CTBP2: variants seen among roughly 807,000 people sequenced by gnomAD.
CTBP2 encodes the protein C-terminal binding protein 2.
CTBP2 carries 30 observed loss-of-function variants against 80.3 expected under a neutral mutation model. The ratio of observed to expected loss-of-function variants is 0.37; its 90% CI spans 0.28 to 0.51. The LOEUF is 0.51. Among genes scored for constraint, CTBP2 ranks in the 20% least tolerant of loss-of-function variants. CTBP2 has a pLI of 0.93. For synonymous variants in CTBP2, 594 were observed against 587.4 expected (o/e 1.01, Z -0.16); for missense variants, 1,212 against 1,375.3 (o/e 0.88, Z 1.88).
intron 3 of CTBP2, among the ~76,000 whole-genome samples, chr10:125,002,339 C>A (rs1050498408): frequency 1.3e-5 from 2 of 152,240 alleles, no homozygotes; most frequent in Admixed American, 6.5e-5. Context: ...CCTCAACATG[C>A]ACCCCCAGCC....
In CTBP2 at chr10:125,005,438, CAG is replaced by C. The variant is rs1955108588; in HGVS notation, c.1679-1948_1679-1947del. ...CTGCCCCGACACCCAGGTCCCCAAACAGGGTGTCCGCATGGATCCGCACTCCA... is the reference window on the plus strand; with the variant it reads ...CTGCCCCGACACCCAGGTCCCCAAACGGTGTCCGCATGGATCCGCACTCCA... On this transcript the variant is annotated intron_variant, in intron 1 of 8. Coordinates refer to ENST00000309035, the MANE Select transcript of CTBP2 (RefSeq NM_022802.3). 8 of 1,112,892 alleles carry C rather than the reference CAG, an allele frequency of 7.2e-6. No individual in the cohort carries two copies. In the Admixed American group the frequency reaches 1.5e-4, roughly 21 times the overall value. 68.9% of individuals were successfully genotyped at this position (1,112,892 alleles called of 1,614,324 possible).
At position 124,988,522 on chromosome 10, in the gene CTBP2, C is replaced by A. The variant is rs1157580433; in HGVS notation, c.*996G>T. 6.6e-6 allele frequency: 1 copy of A among 152,476 alleles called. No homozygotes were observed. Among genetic ancestry groups the A allele is most frequent in the East Asian group, 1.9e-4 (1 of 5,196 alleles). The allele number at this position is 152,476 out of a possible 1,614,324, so 9.4% of individuals were successfully genotyped here. ...ACAGGAATGTACCTATACAAAGGCTCAAAATAGGCCATCTTTTTAAACAAA... is the reference window on the plus strand; with the variant it reads ...ACAGGAATGTACCTATACAAAGGCTAAAAATAGGCCATCTTTTTAAACAAA... On this transcript the variant is annotated 3_prime_UTR_variant, in exon 9 of 9. Coordinates refer to ENST00000309035, the MANE Select transcript of CTBP2 (RefSeq NM_022802.3).
chr10:124,992,347 A>C (rs1404389444), intron 8 of CTBP2, among the ~76,000 whole-genome samples: 2 of 149,388 alleles, frequency 1.3e-5, no homozygotes, highest in East Asian at 4.0e-4. Flanking sequence ...CACCTCTCCC[A>C]CCTCAGCCTC....
Position 125,096,831 on chromosome 10 carries a change from C to T in CTBP2, c.-102+14159G>A, listed in dbSNP as rs920042878. Among the ~76,000 whole-genome samples, 49 of 151,908 alleles carry T rather than the reference C, an allele frequency of 3.2e-4. 1 individual carries two copies. Among genetic ancestry groups the T allele is most frequent in the African/African-American group, 1.1e-3 (45 of 41,328 alleles). ...TATACAAGAGTGCCCCAATTTCTTC[C>T]GAGAAATTAACATTTCAATCCTGTT... On this transcript the variant is annotated intron_variant, in intron 2 of 10. Coordinates refer to the CTBP2 transcript ENST00000337195.
chr10:124,990,336 CCCGGCCCTGG>C (rs1333805606), intron 8 of CTBP2, among the ~76,000 whole-genome samples: 1 of 152,198 alleles, frequency 6.6e-6, no homozygotes, highest in Non-Finnish European at 1.5e-5. Context: ...AGCCACCATG[CCCGGCCCTGG>C]CTAACGATTT....
intron 1 of CTBP2, among the ~76,000 whole-genome samples, chr10:125,150,269 G>A (rs1301377619): frequency 6.6e-6 from 1 of 152,240 alleles, no homozygotes; most frequent in East Asian, 1.9e-4. Flanking sequence ...CCACAAACAT[G>A]GTCTTACCTA....
At chr10:125,041,146 C>T (rs975782179) in intron 2 of CTBP2, among the ~76,000 whole-genome samples, 1 of 152,228 alleles carries the variant, frequency 6.6e-6, no homozygotes, top group Non-Finnish European at 1.5e-5. Flanking sequence ...CAGGGGCAAG[C>T]TCATGGCTCA....
Position 125,027,521 on chromosome 10 carries a change from G to A in CTBP2, c.239C>T (p.Ala80Val). The change falls in exon 1 of 9, where the codon GCT (alanine) becomes GTT (valine). Residue 80 changes from alanine to valine, a missense_variant. Around this residue, in one of 3 missense-constraint regions of CTBP2, gnomAD observed 848 missense variants for 782.3 expected, o/e 1.08. Coordinates refer to ENST00000309035, the MANE Select transcript of CTBP2 (RefSeq NM_022802.3). The stretch of plus-strand genomic sequence containing the variant: ...GTCAGGAGTAGACCCCTTTCTTGCA[G>A]CCACTGAGTTATAAACGGCCTCCCG... 6.2e-7 allele frequency: 1 copy of A among 1,614,156 alleles called. No individual in the cohort carries two copies. The highest frequency in any genetic ancestry group is 1.1e-5 in the South Asian group (1 of 91,086).
At chr10:125,103,297 C>A (rs534096804) in intron 2 of CTBP2, among the ~76,000 whole-genome samples, 1 of 152,142 alleles carries the variant, frequency 6.6e-6, no homozygotes, top group African/African-American at 2.4e-5. Context: ...CAAAAAATTA[C>A]TTCTGGGGCA....
chr10:125,040,580 GACC>G (rs749198784), intron 2 of CTBP2, among the ~76,000 whole-genome samples: 22 of 129,878 alleles, frequency 1.7e-4, no homozygotes, highest in South Asian at 2.4e-4. Flanking sequence ...CTTATTTTAA[GACC>G]ACCACCACAA....
rs771447556 is a variant in CTBP2 at position 125,027,174 on chromosome 10, T to C, written c.586A>G (p.Thr196Ala). Residue 196 changes from threonine (T) to alanine (A), a missense_variant, in exon 1 of 9, where the codon ACC (threonine) becomes GCC (alanine). Physicochemically the swap from Thr to Ala is moderately conservative, Grantham distance 58. Around this residue, in one of 3 missense-constraint regions of CTBP2, gnomAD observed 848 missense variants for 782.3 expected, o/e 1.08. Transcript: ENST00000309035. ...GCAGGCACCTCCGCCCCATACCTGG[T>C]GTCGGGCTGCTCCCGTCCATACCGC... The C allele has an allele frequency of 1.2e-6, 2 of 1,605,616 alleles. No individual in the cohort carries two copies. Among genetic ancestry groups the C allele is most frequent in the South Asian group, 1.1e-5 (1 of 90,852 alleles).
rs1036965249 is a variant in CTBP2, at chr10:125,026,678, C to G, written c.1082G>C (p.Gly361Ala). 1.2e-6 allele frequency: 2 copies of G among 1,608,312 alleles called. No homozygotes were observed. The highest frequency in any genetic ancestry group is 1.7e-6 in the Non-Finnish European group (2 of 1,177,952). The change falls in exon 1 of 9, where the codon GGG becomes GCG. Residue 361 changes from glycine (G) to alanine (A), a missense_variant. This residue lies in a region of CTBP2 where 848 missense variants were observed against 782.3 expected (regional missense o/e 1.08). Transcript: ENST00000309035. Reference sequence around the variant, plus strand: ...GGACCGCGCCCGGGGCAGCGGGCCCCCCCGGTCCTGCCTCCGCAGCTGCAT... The same window carrying G: ...GGACCGCGCCCGGGGCAGCGGGCCCGCCCGGTCCTGCCTCCGCAGCTGCAT...
At chr10:125,086,592 G>A (rs1274661225) in intron 2 of CTBP2, among the ~76,000 whole-genome samples, 1 of 139,392 alleles carries the variant, frequency 7.2e-6, no homozygotes, top group Non-Finnish European at 1.5e-5. Context: ...TCCAGCCTGG[G>A]CAATCGAGCA....
intron 4 of CTBP2, chr10:124,996,962 A>G (rs1190734616): frequency 6.6e-6 from 1 of 152,214 alleles, no homozygotes; most frequent in Non-Finnish European, 1.5e-5. Context: ...TGTAGCGGGG[A>G]CAGAAAGGTG....
intron 2 of CTBP2, among the ~76,000 whole-genome samples, chr10:125,109,641 G>C (rs1564939900): frequency 6.6e-6 from 1 of 152,188 alleles, no homozygotes; most frequent in Non-Finnish European, 1.5e-5. Context: ...AAAGATGACT[G>C]AGGGGCCCCT....
At chr10:125,138,529 A>C (rs1303619745) in intron 1 of CTBP2, among the ~76,000 whole-genome samples, 2 of 152,156 alleles carry the variant, frequency 1.3e-5, no homozygotes, top group Admixed American at 1.3e-4. Flanking sequence ...GCTAAAAATA[A>C]GATTAACTAA....
intron 2 of CTBP2, among the ~76,000 whole-genome samples, chr10:125,079,633 T>A (rs953850146): frequency 1.3e-5 from 2 of 152,228 alleles, no homozygotes; most frequent in African/African-American, 4.8e-5. Context: ...TGTCATTAAT[T>A]ATTAATTCTC....
At position 125,070,569 on chromosome 10, in the gene CTBP2, GATAATA is replaced by G. The variant is rs569686843; in HGVS notation, c.-101-31420_-101-31415del. On this transcript the variant is annotated intron_variant, in intron 2 of 10. Transcript: ENST00000337195. ...GACTCAATTTCTAAAAAATGATAAT[GATAATA>G]ATAATAATAATGATTACCAATTTTA... Among the ~76,000 whole-genome samples, 588 of 149,024 alleles carry G rather than the reference GATAATA, an allele frequency of 3.9e-3. 3 individuals are homozygous for G. Among genetic ancestry groups the G allele is most frequent in the African/African-American group, 9.6e-3 (392 of 40,900 alleles).
chr10:125,086,556 G>A (rs536061600), intron 2 of CTBP2, among the ~76,000 whole-genome samples: 172 of 149,482 alleles, frequency 1.2e-3, no homozygotes, highest in African/African-American at 3.9e-3. Context: ...TGGAGGTTGC[G>A]GTGAGCCGAG....
Sources: allele counts gnomAD v4.1 joint callset (sites outside exome capture counted in the v4.1 genomes callset), GRCh38; gene constraint gnomAD v4.1.1; regional missense constraint gnomAD v4.1.1; transcripts MANE v1.5; gene names NCBI Gene and HGNC (gene_info 2026-07-23, HGNC 2026-07-21).